The following PNLDC1 variants were observed in gnomAD, a reference collection of about 807,000 sequenced individuals.
PNLDC1 encodes poly(A)-specific ribonuclease PNLDC1.
PNLDC1 carries 70 observed loss-of-function variants against 82.0 expected under a neutral mutation model. That is an observed-to-expected ratio of 0.85 (90% CI 0.70 to 1.04). The LOEUF (loss-of-function observed/expected upper bound fraction) is 1.04, where lower values mean the gene tolerates loss of function less well. Ranked by LOEUF, PNLDC1 falls within the 50% of genes least tolerant of loss-of-function variation. The pLI is 0.00. For synonymous variants in PNLDC1, 280 were observed against 249.3 expected (o/e 1.12, Z -1.16); for missense variants, 631 against 661.1 (o/e 0.95, Z 0.50).
intron 1 of PNLDC1, 127 bp from the exon 2 acceptor site, chr6:159,800,645 C>T: frequency 6.3e-7 from 1 of 1,590,082 alleles, no homozygotes. Context: ...TTTTCCCTTC[C>T]TGACCTCACT....
chr6:159,804,745 T>G (rs1583168028), intron 6 of PNLDC1, 108 bp downstream of exon 6: 1 of 739,604 alleles, frequency 1.4e-6, no homozygotes, highest in African/African-American at 1.8e-5. Context: ...CATCCATGCT[T>G]GGCGGGGATG....
Position 159,800,329 on chromosome 6 carries a change from T to G in PNLDC1, c.22T>G (p.Phe8Val). ...GGCCATGGACGTGGGCGCCGACGAG[T>G]TCGAGGAGAGCCTCCCTCTGCTGCA... MDVGADE[F>V]EESLPLLQEL... Residue 8 changes from phenylalanine (F) to valine (V), a missense_variant, in exon 1 of 19, where the codon TTC (phenylalanine) becomes GTC (valine). Physicochemically the swap from Phe to Val is conservative, Grantham distance 50. Coordinates refer to ENST00000392167, the MANE Select transcript of PNLDC1 (RefSeq NM_001271862.2). 6.5e-7 allele frequency: 1 copy of G among 1,547,514 alleles called. No individual in the cohort carries two copies. The highest frequency in any genetic ancestry group is 8.7e-7 in the Non-Finnish European group (1 of 1,146,204).
At chr6:159,812,357 G>A (rs562885437) in intron 11 of PNLDC1, among the ~76,000 whole-genome samples, 26 of 152,186 alleles carry the variant, frequency 1.7e-4, no homozygotes, top group African/African-American at 5.5e-4. Flanking sequence ...TGACTTATTT[G>A]TGTAGAGTTT....
At chr6:159,814,877 T>C (rs993846835) in intron 12 of PNLDC1, among the ~76,000 whole-genome samples, 4 of 152,212 alleles carry the variant, frequency 2.6e-5, no homozygotes, top group Non-Finnish European at 5.9e-5. Context: ...GCCCCTTGCA[T>C]GTAGTCCAGG....
At chr6:159,810,899 A>G in intron 10 of PNLDC1, among the ~76,000 whole-genome samples, 1 of 152,216 alleles carries the variant, frequency 6.6e-6, no homozygotes, top group East Asian at 1.9e-4. Flanking sequence ...ATACACATTC[A>G]CCAAAAAACT....
In PNLDC1 at chr6:159,820,623, G is replaced by T; in HGVS notation, c.*106G>T. Reference sequence around the variant, plus strand: ...TTCTGTTTGCAGATGGATCTGTTTGGTCTTTTCTAGAAATTCTGTTATGTC... The same window carrying T: ...TTCTGTTTGCAGATGGATCTGTTTGTTCTTTTCTAGAAATTCTGTTATGTC... On this transcript the variant is annotated 3_prime_UTR_variant, in exon 19 of 19. Transcript: ENST00000392167. 1 of 1,085,852 alleles carries T rather than the reference G, an allele frequency of 9.2e-7. No homozygotes were observed. The highest frequency in any genetic ancestry group is 1.4e-6 in the Non-Finnish European group (1 of 712,626). The allele number at this position is 1,085,852 out of a possible 1,614,324, so 67.3% of individuals were successfully genotyped here. A position where few individuals can be genotyped will look rare whatever the true frequency, so the allele number is the denominator to read the frequency against.
rs568000876 is a variant in PNLDC1, at chr6:159,802,407, C to T, written c.209-864C>T. Among the ~76,000 whole-genome samples the T allele has an allele frequency of 1.0e-3, 152 of 152,074 alleles. 3 individuals carry two copies. The highest frequency in any genetic ancestry group is 2.9e-4 in the Non-Finnish European group (20 of 68,026). ...TAGCTGGGAGTGCTGCCACGCCCAG[C>T]CCCTGCTTTTACTATGAATGATGCT... On this transcript the variant is annotated intron_variant, in intron 3 of 18. Transcript: ENST00000392167.
intron 10 of PNLDC1, among the ~76,000 whole-genome samples, 169 bp downstream of exon 10, chr6:159,810,264 C>A (rs1781602966): frequency 6.6e-6 from 1 of 152,172 alleles, no homozygotes; most frequent in African/African-American, 2.4e-5. Context: ...CTGTTACTGT[C>A]TCCCCAGAGT....
In PNLDC1 at chr6:159,801,228, T is replaced by C. The variant is rs771056341; in HGVS notation, c.208+42T>C. The C allele has an allele frequency of 4.5e-6, 7 of 1,559,642 alleles. No homozygotes were observed. In the African/African-American group the frequency reaches 9.5e-5, roughly 21 times the overall value. On this transcript the variant is annotated intron_variant, in intron 3 of 18. Transcript: ENST00000392167. ...CTGTTAGAGTTTTTCAAGAAGGTATTTTTATTGTCCTTGGATTTCCTACTG... is the reference window on the plus strand; with the variant it reads ...CTGTTAGAGTTTTTCAAGAAGGTATCTTTATTGTCCTTGGATTTCCTACTG...
chr6:159,803,958 A>G lies in PNLDC1; in HGVS notation c.249-7A>G, dbSNP rs773227540. ...GGCTTTTTCTCTGTATGTTTGTTTT[A>G]TTATAGGTATATAGCCCATTCTTGT... On this transcript the variant is annotated splice_region_variant and splice_polypyrimidine_tract_variant and intron_variant, in intron 4 of 18. Transcript: ENST00000392167. 6.2e-7 allele frequency: 1 copy of G among 1,608,652 alleles called. No individual in the cohort carries two copies. Among genetic ancestry groups the G allele is most frequent in the South Asian group, 1.1e-5 (1 of 89,836 alleles).
At chr6:159,803,873 C>T in intron 4 of PNLDC1, 92 bp from the exon 5 acceptor site, 1 of 1,396,516 alleles carries the variant, frequency 7.2e-7, no homozygotes, top group Non-Finnish European at 9.7e-7. Flanking sequence ...TTCTTCTTGC[C>T]TAAAAGAAAG....
At chr6:159,808,650 A>C in intron 7 of PNLDC1, 90 bp from the exon 8 acceptor site, 7 of 1,240,176 alleles carry the variant, frequency 5.6e-6, no homozygotes, top group Non-Finnish European at 8.1e-6. Context: ...TGACCTTTCC[A>C]TCTCAGCTTC....
In PNLDC1 at chr6:159,820,549, G is replaced by A. The variant is rs1442483271; in HGVS notation, c.*32G>A. On this transcript the variant is annotated 3_prime_UTR_variant, in exon 19 of 19. Transcript: ENST00000392167. ...CGAGGCCTCCTGCGGCCACCCTCGG[G>A]TCCCCATGCTCTCTGGGAGGTGTGC... 5 of 1,604,710 alleles carry A rather than the reference G, an allele frequency of 3.1e-6. No individual in the cohort carries two copies. The highest frequency in any genetic ancestry group is 4.3e-6 in the Non-Finnish European group (5 of 1,171,784).
At position 159,800,946 on chromosome 6, in the gene PNLDC1, G is replaced by A; in HGVS notation, c.134+117G>A. 2.7e-6 allele frequency: 4 copies of A among 1,488,490 alleles called. No homozygotes were observed. In the South Asian group the frequency reaches 4.6e-5, roughly 17 times the overall value. 92.2% of individuals were successfully genotyped at this position (1,488,490 alleles called of 1,614,324 possible). A position where few individuals can be genotyped will look rare whatever the true frequency, so the allele number is the denominator to read the frequency against. Reference sequence around the variant, plus strand: ...CGTTTTGTGTGGCTTGCTCCTACGTGTTGGAGGACCTTGCTTTTTTCTGTC... The same window carrying A: ...CGTTTTGTGTGGCTTGCTCCTACGTATTGGAGGACCTTGCTTTTTTCTGTC... On this transcript the variant is annotated intron_variant, in intron 2 of 18. Coordinates refer to ENST00000392167, the MANE Select transcript of PNLDC1 (RefSeq NM_001271862.2).
At chr6:159,818,710 G>A (rs1363580363) in intron 16 of PNLDC1, 56 bp downstream of exon 16, 2 of 1,532,744 alleles carry the variant, frequency 1.3e-6, no homozygotes, top group Admixed American at 1.7e-5. Context: ...GGCTTTGCTG[G>A]GAAGCGGCCA....
chr6:159,809,898 G>C, intron 9 of PNLDC1, 128 bp from the exon 10 acceptor site: 1 of 750,730 alleles, frequency 1.3e-6, no homozygotes. Context: ...GGAAGGTTAG[G>C]ATGGAACTGT....
intron 4 of PNLDC1, 75 bp from the exon 5 acceptor site, chr6:159,803,889 AC>A (rs1002517419): frequency 2.0e-6 from 3 of 1,504,484 alleles, no homozygotes; most frequent in Non-Finnish European, 2.7e-6. Context: ...GAAAGAGCCC[AC>A]CCTGAAGCCA....
chr6:159,800,887 T>C (rs1781224868), intron 2 of PNLDC1, 58 bp downstream of exon 2: 2 of 1,610,450 alleles, frequency 1.2e-6, no homozygotes, highest in East Asian at 4.5e-5. Flanking sequence ...GCACTGTTTC[T>C]GGCCAGCAGC....
chr6:159,820,354 T>A lies in PNLDC1; in HGVS notation c.1533-100T>A. 3 of 1,122,770 alleles carry A rather than the reference T, an allele frequency of 2.7e-6. No homozygotes were observed. The East Asian group carries it at 7.1e-5, about 26-fold the overall frequency. The allele number at this position is 1,122,770 out of a possible 1,614,324, so 69.6% of individuals were successfully genotyped here. On this transcript the variant is annotated intron_variant, in intron 18 of 18. Transcript: ENST00000392167. ...GGGAGAGTGACAGCAAGAAAGAACA[T>A]CTGAGTGCACGGGGCTGGGAAGGAG...
Sources: allele counts gnomAD v4.1 joint callset (sites outside exome capture counted in the v4.1 genomes callset), GRCh38; gene constraint gnomAD v4.1.1; transcripts MANE v1.5; gene names NCBI Gene and HGNC (gene_info 2026-07-23, HGNC 2026-07-21).